The following LSM12 variants were observed in gnomAD, a reference collection of about 807,000 sequenced individuals.
LSM12 encodes the protein LSM12 homolog.
For synonymous variants in LSM12, 74 were observed against 87.3 expected (o/e 0.85, Z 0.85); for missense variants, 108 against 238.9 (o/e 0.45, Z 3.61).
rs569667172 is a variant in LSM12 at position 44,038,301 on chromosome 17, C to T, written c.369-763G>A. On this transcript the variant is annotated intron_variant, in intron 3 of 4. Coordinates refer to ENST00000293406, the MANE Select transcript of LSM12 (RefSeq NM_001371445.1). Reference sequence around the variant, plus strand: ...CCGGGGAGATTGAGGCTATAGTAAGCTAAAATCGCACCACTGCACTCCCAA... The same window carrying T: ...CCGGGGAGATTGAGGCTATAGTAAGTTAAAATCGCACCACTGCACTCCCAA... 2.7e-5 allele frequency among the ~76,000 whole-genome samples: 4 copies of T among 148,556 alleles called. No homozygotes were observed. In the East Asian group the frequency reaches 7.9e-4, roughly 29 times the overall value.
intron 2 of LSM12, among the ~76,000 whole-genome samples, chr17:44,051,601 T>C (rs2049645345): frequency 6.6e-6 from 1 of 151,860 alleles, no homozygotes; most frequent in Non-Finnish European, 1.5e-5. Context: ...ATTGGACAGT[T>C]AGGAACTAAA....
At chr17:44,057,304 C>G (rs536319779) in intron 2 of LSM12, among the ~76,000 whole-genome samples, 53 of 150,232 alleles carry the variant, frequency 3.5e-4, no homozygotes, top group Non-Finnish European at 7.1e-4. Flanking sequence ...CACATGCCAC[C>G]ACGCCCAGCT....
In LSM12 at chr17:44,063,909, G is replaced by A; in HGVS notation, c.150C>T (p.Pro50=). The A allele has an allele frequency of 1.9e-6, 3 of 1,613,254 alleles. No individual in the cohort carries two copies. Among genetic ancestry groups the A allele is most frequent in the Non-Finnish European group, 2.5e-6 (3 of 1,179,756 alleles). Residue 50 remains proline, a synonymous_variant, in exon 2 of 5, where the codon CCC becomes CCT. Transcript: ENST00000293406. The part of the protein sequence containing the change: ...ALKCPSSSGK[P]NHADILLINL... The stretch of plus-strand genomic sequence containing the variant: ...TTATGAGCAAGATGTCTGCATGGTT[G>A]GGCTTTCCACTGGAAGAGGGACATT...
rs572445096 is a variant in LSM12 at position 44,045,261 on chromosome 17, C to A, written c.259-5005G>T. On this transcript the variant is annotated intron_variant, in intron 2 of 4. Coordinates refer to ENST00000293406, the MANE Select transcript of LSM12 (RefSeq NM_001371445.1). ...CAGGCTGGTCTCGAACTCCTGACCTCGTGATCTGCCCGCCTCAGCCTCCCA... is the reference window on the plus strand; with the variant it reads ...CAGGCTGGTCTCGAACTCCTGACCTAGTGATCTGCCCGCCTCAGCCTCCCA... Among the ~76,000 whole-genome samples, 47 of 152,096 alleles carry A rather than the reference C, an allele frequency of 3.1e-4. No individual in the cohort carries two copies. The East Asian group carries it at 9.1e-3, about 29-fold the overall frequency.
intron 2 of LSM12, 57 bp from the exon 3 acceptor site, chr17:44,040,313 C>T: frequency 1.5e-6 from 2 of 1,292,978 alleles, no homozygotes; most frequent in Non-Finnish European, 2.2e-6. Context: ...TTCTTGCCAA[C>T]AGTCAGGACC....
chr17:44,053,575 G>C (rs79325562), intron 2 of LSM12, among the ~76,000 whole-genome samples: 1 of 152,128 alleles, frequency 6.6e-6, no homozygotes, highest in Non-Finnish European at 1.5e-5. Flanking sequence ...GGGAGAGAGT[G>C]CAAGAGGGAA....
At chr17:44,037,585 C>A in intron 3 of LSM12, 47 bp from the exon 4 acceptor site, 1 of 1,544,626 alleles carries the variant, frequency 6.5e-7, no homozygotes, top group Non-Finnish European at 8.7e-7. Context: ...TGGGGGCATC[C>A]CACATCTCCT....
intron 3 of LSM12, among the ~76,000 whole-genome samples, chr17:44,039,365 CTTTTTTT>C (rs35411238): frequency 3.3e-3 from 167 of 51,082 alleles, no homozygotes; most frequent in Non-Finnish European, 3.6e-3. Context: ...AACAAAATGT[CTTTTTTT>C]TTTTTTTTTT....
upstream of LSM12, among the ~76,000 whole-genome samples, chr17:44,066,891 C>A (rs1476597178): frequency 6.6e-6 from 1 of 152,206 alleles, no homozygotes; most frequent in Non-Finnish European, 1.5e-5. Flanking sequence ...GCTGCAGTCT[C>A]CATTATATGC....
chr17:44,065,467 T>TA (rs1439481231), intron 1 of LSM12, among the ~76,000 whole-genome samples: 1 of 133,862 alleles, frequency 7.5e-6, no homozygotes, highest in South Asian at 2.4e-4. Flanking sequence ...AAAGATGCCA[T>TA]AAAAAATTAC....
In LSM12 at chr17:44,041,014, T is replaced by C. The variant is rs535267303; in HGVS notation, c.259-758A>G. On this transcript the variant is annotated intron_variant, in intron 2 of 4. Transcript: ENST00000293406. ...ACAAAACCAAACAAAAAAAAATACA[T>C]ACACATACACACACACACACTTCTA... Among the ~76,000 whole-genome samples, 4 of 149,798 alleles carry C rather than the reference T, an allele frequency of 2.7e-5. No individual in the cohort carries two copies. In the East Asian group the frequency reaches 5.9e-4, roughly 22 times the overall value.
intron 2 of LSM12, among the ~76,000 whole-genome samples, chr17:44,044,506 A>G (rs990021118): frequency 6.6e-6 from 1 of 152,240 alleles, no homozygotes; most frequent in Non-Finnish European, 1.5e-5. Context: ...AATGACTGTA[A>G]GCTGACTGTA....
intron 2 of LSM12, among the ~76,000 whole-genome samples, chr17:44,041,334 A>ACAAAC (rs2049491143): frequency 1.2e-4 from 13 of 104,546 alleles, no homozygotes; most frequent in Non-Finnish European, 1.7e-4. Flanking sequence ...CACACACACA[A>ACAAAC]ACACACACAC....
rs1567964784 is a variant in LSM12, at chr17:44,066,607, C to T, written c.-20G>A. ...CGCCATCTTGGGAGTGCAGCCGCGGCCGGCGGCGGCGGCGGCAGCAGCGGG... is the reference window on the plus strand; with the variant it reads ...CGCCATCTTGGGAGTGCAGCCGCGGTCGGCGGCGGCGGCGGCAGCAGCGGG... On this transcript the variant is annotated 5_prime_UTR_variant, in exon 1 of 5. Coordinates refer to ENST00000293406, the MANE Select transcript of LSM12 (RefSeq NM_001371445.1). The T allele has an allele frequency of 1.5e-6, 2 of 1,340,304 alleles. No individual in the cohort carries two copies. Among genetic ancestry groups the T allele is most frequent in the South Asian group, 4.0e-5 (2 of 49,916 alleles). The allele number at this position is 1,340,304 out of a possible 1,614,324, so 83.0% of individuals were successfully genotyped here. A position where few individuals can be genotyped will look rare whatever the true frequency, so the allele number is the denominator to read the frequency against.
At position 44,063,952 on chromosome 17, in the gene LSM12, AG is replaced by A. The variant is rs1329502067; in HGVS notation, c.125-19del. 5.6e-6 allele frequency: 9 copies of A among 1,608,648 alleles called. No homozygotes were observed. In the Admixed American group the frequency reaches 1.5e-4, roughly 27 times the overall value. The stretch of plus-strand genomic sequence containing the variant: ...GGGACATTCTGGTGAGAAAAAAAAA[AG>A]TTAAGGAAAAATAGGACAAGCAGAG... On this transcript the variant is annotated intron_variant, in intron 1 of 4. Coordinates refer to ENST00000293406, the MANE Select transcript of LSM12 (RefSeq NM_001371445.1).
intron 3 of LSM12, among the ~76,000 whole-genome samples, chr17:44,039,363 G>GACTT (rs2049458235): frequency 2.2e-5 from 2 of 91,232 alleles, no homozygotes; most frequent in African/African-American, 8.4e-5. Context: ...CCAACAAAAT[G>GACTT]TCTTTTTTTT....
At chr17:44,050,107 T>C (rs2049623202) in intron 2 of LSM12, among the ~76,000 whole-genome samples, 1 of 152,170 alleles carries the variant, frequency 6.6e-6, no homozygotes, top group Non-Finnish European at 1.5e-5. Flanking sequence ...CTTTTTATTT[T>C]TATTTTTTTG....
At chr17:44,066,011 C>T (rs1450636384) in intron 1 of LSM12, among the ~76,000 whole-genome samples, 6 of 152,134 alleles carry the variant, frequency 3.9e-5, no homozygotes, top group Non-Finnish European at 8.8e-5. Flanking sequence ...GAAATCCCAT[C>T]AGTGCACATG....
upstream of LSM12, among the ~76,000 whole-genome samples, chr17:44,067,219 G>T (rs1185734358): frequency 6.6e-6 from 1 of 152,258 alleles, no homozygotes; most frequent in Non-Finnish European, 1.5e-5. Flanking sequence ...AGGATCTCTT[G>T]AACCTGGAAG....
Sources: allele counts gnomAD v4.1 joint callset (sites outside exome capture counted in the v4.1 genomes callset), GRCh38; gene constraint gnomAD v4.1.1; transcripts MANE v1.5; gene names NCBI Gene and HGNC (gene_info 2026-07-23, HGNC 2026-07-21).